The following FAM117A variants were observed in gnomAD, a reference collection of about 807,000 sequenced individuals.
FAM117A encodes the protein family with sequence similarity 117 member A.
In FAM117A, 21 loss-of-function variants were observed where a neutral mutation model predicts 44.1. The observed-to-expected ratio is 0.48, with a 90% CI of 0.34 to 0.69. FAM117A has a LOEUF of 0.69. Among genes scored for constraint, FAM117A ranks in the 30% least tolerant of loss-of-function variants. The pLI is 0.01. For missense variants in FAM117A, 498 were observed against 589.9 expected (o/e 0.84, Z 1.61); for synonymous variants, 220 against 238.3 (o/e 0.92, Z 0.71).
intron 1 of FAM117A, among the ~76,000 whole-genome samples, chr17:49,738,172 T>A (rs1476806114): frequency 6.6e-6 from 1 of 152,212 alleles, no homozygotes; most frequent in African/African-American, 2.4e-5. Context: ...TCCTACCCTA[T>A]TCAATGAATC....
At chr17:49,749,215 G>C (rs940452476) in intron 1 of FAM117A, among the ~76,000 whole-genome samples, 4 of 152,028 alleles carry the variant, frequency 2.6e-5, no homozygotes, top group African/African-American at 9.7e-5. Flanking sequence ...CTCAGATCTC[G>C]ACTATATATA....
At chr17:49,787,558 T>G (rs2073821352) in intron 1 of FAM117A, among the ~76,000 whole-genome samples, 1 of 152,184 alleles carries the variant, frequency 6.6e-6, no homozygotes, top group Non-Finnish European at 1.5e-5. Context: ...CTGGGGGAAA[T>G]CTCCATCTTA....
intron 1 of FAM117A, among the ~76,000 whole-genome samples, chr17:49,741,925 A>T (rs920605792): frequency 7.9e-5 from 12 of 152,112 alleles, no homozygotes; most frequent in Non-Finnish European, 1.6e-4. Context: ...ACTGTACAAG[A>T]GTTAGAAGCC....
chr17:49,782,627 T>A (rs1353998084), intron 1 of FAM117A, among the ~76,000 whole-genome samples: 1 of 149,376 alleles, frequency 6.7e-6, no homozygotes, highest in African/African-American at 2.5e-5. Context: ...GAGGCACAGG[T>A]TGCAGTGAGC....
At chr17:49,759,544 T>C (rs138145676) in intron 1 of FAM117A, among the ~76,000 whole-genome samples, 122 of 152,312 alleles carry the variant, frequency 8.0e-4, no homozygotes, top group African/African-American at 2.7e-3. Context: ...CCAGGCCTCA[T>C]TATAGCAAGA....
intron 1 of FAM117A, among the ~76,000 whole-genome samples, chr17:49,778,702 A>T (rs537809684): frequency 1.3e-5 from 2 of 152,368 alleles, no homozygotes; most frequent in African/African-American, 4.8e-5. Flanking sequence ...TCCAATAGTT[A>T]TTGAATGCCT....
upstream of FAM117A, among the ~76,000 whole-genome samples, chr17:49,768,908 C>T (rs1426550043): frequency 6.6e-6 from 1 of 152,196 alleles, no homozygotes; most frequent in African/African-American, 2.4e-5. Flanking sequence ...TCACTTGTTC[C>T]TTCTTCATTC....
At chr17:49,778,505 GGTATA>G (rs1214751339) in intron 1 of FAM117A, among the ~76,000 whole-genome samples, 4 of 152,124 alleles carry the variant, frequency 2.6e-5, no homozygotes, top group Non-Finnish European at 5.9e-5. Context: ...CATTTTGCCT[GGTATA>G]GTAGTCTCCA....
At chr17:49,788,716 T>G (rs1292293360), upstream of FAM117A, 13 of 1,136,546 alleles carry the variant, frequency 1.1e-5, no homozygotes, top group East Asian at 4.0e-4. Context: ...CAGGAGGCAC[T>G]AGGGATCGTC....
At chr17:49,742,197 C>T (rs1008563065) in intron 1 of FAM117A, among the ~76,000 whole-genome samples, 50 of 152,152 alleles carry the variant, frequency 3.3e-4, no homozygotes, top group African/African-American at 9.9e-4. Flanking sequence ...CAATTAATTA[C>T]TGACTCCATA....
chr17:49,733,265 T>C (rs2073594045), intron 1 of FAM117A, among the ~76,000 whole-genome samples: 1 of 152,240 alleles, frequency 6.6e-6, no homozygotes, highest in African/African-American at 2.4e-5. Flanking sequence ...GCTGACATAC[T>C]GGAACTACTT....
chr17:49,732,437 C>A, intron 2 of FAM117A, 114 bp downstream of exon 2: 4 of 996,614 alleles, frequency 4.0e-6, no homozygotes, highest in Non-Finnish European at 5.9e-6. Context: ...ATAATATGTA[C>A]GACCAAAACC....
At chr17:49,720,850 G>T (rs1271376136) in intron 3 of FAM117A, among the ~76,000 whole-genome samples, 5 of 152,138 alleles carry the variant, frequency 3.3e-5, no homozygotes, top group Non-Finnish European at 7.4e-5. Context: ...GAGTAGCTGG[G>T]ATTACAGGCA....
intron 1 of FAM117A, among the ~76,000 whole-genome samples, chr17:49,753,873 G>T (rs1018903888): frequency 6.6e-6 from 1 of 152,158 alleles, no homozygotes; most frequent in Non-Finnish European, 1.5e-5. Context: ...GGGCCTCTTA[G>T]AGTTGAGATT....
At chr17:49,739,513 T>C (rs2073624322) in intron 1 of FAM117A, among the ~76,000 whole-genome samples, 1 of 152,202 alleles carries the variant, frequency 6.6e-6, no homozygotes, top group Non-Finnish European at 1.5e-5. Flanking sequence ...ATCTTCTAGG[T>C]GAGCCTAGTT....
intron 1 of FAM117A, among the ~76,000 whole-genome samples, chr17:49,754,456 C>G (rs746277913): frequency 5.9e-5 from 9 of 152,054 alleles, no homozygotes; most frequent in Non-Finnish European, 1.3e-4. Flanking sequence ...AGGAGCCCAC[C>G]ACCACGCCCG....
rs199889062 is a variant in FAM117A, at chr17:49,764,120, C to T, written c.-33G>A. ...CCGGCTGCCTGCCTCAGCCCCACTG[C>T]GAGACTCACACAGCCCCCCAACCCC... On this transcript the variant is annotated 5_prime_UTR_variant, in exon 1 of 8. Transcript: ENST00000240364. The T allele has an allele frequency of 8.5e-5, 99 of 1,168,296 alleles. No individual in the cohort carries two copies. The highest frequency in any genetic ancestry group is 1.0e-4 in the South Asian group (3 of 29,064). 72.4% of individuals were successfully genotyped at this position (1,168,296 alleles called of 1,614,324 possible).
chr17:49,738,603 T>C (rs2143747348), intron 1 of FAM117A, among the ~76,000 whole-genome samples: 1 of 152,292 alleles, frequency 6.6e-6, no homozygotes, highest in South Asian at 2.1e-4. Flanking sequence ...TCAGCCTTAT[T>C]TCCACAGAGG....
intron 1 of FAM117A, among the ~76,000 whole-genome samples, chr17:49,785,889 C>G (rs540452883): frequency 6.6e-6 from 1 of 152,274 alleles, no homozygotes; most frequent in African/African-American, 2.4e-5. Context: ...GGAGAACTGT[C>G]GAGAGTGTCA....
Sources: gnomAD v4.1 joint callset for allele counts (sites outside exome capture counted in the v4.1 genomes callset) on GRCh38, gnomAD v4.1.1 for gene constraint, MANE v1.5 for transcripts, NCBI Gene and HGNC (gene_info 2026-07-23, HGNC 2026-07-21) for gene names.